Variants in MCC observed in about 807,000 individuals in gnomAD.
The protein encoded by MCC is MCC regulator of Wnt signaling pathway, also known as colorectal mutant cancer protein.
Under a neutral mutation model 116.2 loss-of-function variants are expected in MCC, and 90 were observed. The ratio of observed to expected loss-of-function variants is 0.77; its 90% CI spans 0.65 to 0.92. The LOEUF (loss-of-function observed/expected upper bound fraction) is 0.92, where lower values mean the gene tolerates loss of function less well. Ranked by LOEUF, MCC falls within the 40% of genes least tolerant of loss-of-function variation. The pLI is 0.00. For synonymous variants in MCC, 578 were observed against 510.5 expected, an observed-to-expected ratio of 1.13 and a Z score of -1.78; for missense variants, 1,516 against 1,312.2, an observed-to-expected ratio of 1.16 and a Z score of -2.40.
In MCC at chr5:113,084,143, T is replaced by C. The variant is rs1755044087; in HGVS notation, c.1593A>G (p.Ser531=). 1 of 1,614,094 alleles carries C rather than the reference T, an allele frequency of 6.2e-7. No homozygotes were observed. Among genetic ancestry groups the C allele is most frequent in the African/African-American group, 1.3e-5 (1 of 74,942 alleles). Reference sequence around the variant, plus strand: ...CTGAGCCCAGGACTGGCCGATCAGATGATGACGATTCGGACCTTGTCTTTG... The same window carrying C: ...CTGAGCCCAGGACTGGCCGATCAGACGATGACGATTCGGACCTTGTCTTTG... ...KLSKTRSESS[S]SDRPVLGSEI... The change falls in exon 10 of 19, where the codon TCA becomes TCG. Residue 531 remains serine, a synonymous_variant. Coordinates refer to ENST00000408903, the MANE Select transcript of MCC (RefSeq NM_001085377.2).
At chr5:113,032,829 A>C (rs1751051760) in intron 17 of MCC, among the ~76,000 whole-genome samples, 1 of 152,250 alleles carries the variant, frequency 6.6e-6, no homozygotes, top group Non-Finnish European at 1.5e-5. Context: ...CAAGACGGCC[A>C]CAAGAATGAC....
intron 3 of MCC, among the ~76,000 whole-genome samples, chr5:113,336,250 G>A (rs1767865607): frequency 1.3e-5 from 2 of 151,642 alleles, no homozygotes; most frequent in South Asian, 4.1e-4. Context: ...ATTTCCATAT[G>A]AATTTTGGAG....
At chr5:113,111,502 G>A (rs543142926) in intron 6 of MCC, among the ~76,000 whole-genome samples, 2 of 152,280 alleles carry the variant, frequency 1.3e-5, no homozygotes, top group South Asian at 4.1e-4. Context: ...CTGCGACACT[G>A]ACCTGGAATA....
At chr5:113,322,006 A>G (rs1268583982) in intron 3 of MCC, among the ~76,000 whole-genome samples, 5 of 151,920 alleles carry the variant, frequency 3.3e-5, no homozygotes, top group African/African-American at 1.2e-4. Flanking sequence ...TAGTTTTTCT[A>G]TTTTTACTAG....
chr5:113,218,104 G>A (rs1763393681), intron 3 of MCC, among the ~76,000 whole-genome samples: 2 of 137,076 alleles, frequency 1.5e-5, no homozygotes, highest in Admixed American at 1.5e-4. Flanking sequence ...GGGGGTGGGG[G>A]TGAGGTGGGA....
intron 11 of MCC, among the ~76,000 whole-genome samples, chr5:113,078,481 T>C (rs1160966044): frequency 6.6e-6 from 1 of 152,220 alleles, no homozygotes; most frequent in Non-Finnish European, 1.5e-5. Context: ...GCTTCATCCC[T>C]GGGATGCAAG....
At chr5:113,297,222 G>A (rs933733291) in intron 3 of MCC, among the ~76,000 whole-genome samples, 14 of 152,158 alleles carry the variant, frequency 9.2e-5, no homozygotes, top group African/African-American at 3.1e-4. Flanking sequence ...AAGAAGGGAC[G>A]GCTGGCATGG....
chr5:113,225,798 G>A (rs1033135938), intron 3 of MCC, among the ~76,000 whole-genome samples: 2 of 151,980 alleles, frequency 1.3e-5, no homozygotes, highest in African/African-American at 2.4e-5. Context: ...GATATTAGGT[G>A]ATTACATCTG....
rs567290968 is a variant in MCC at position 113,124,091 on chromosome 5, G to C, written c.885-1265C>G. ...ATTCAGCTGAGCCCGTGCTTTATAA[G>C]GTATTGTTAATAAAACCTACCCAGA... On this transcript the variant is annotated intron_variant, in intron 5 of 18. Coordinates refer to ENST00000408903, the MANE Select transcript of MCC (RefSeq NM_001085377.2). Among the ~76,000 whole-genome samples the C allele has an allele frequency of 4.6e-5, 7 of 152,266 alleles. No homozygotes were observed. In the South Asian group the frequency reaches 1.5e-3, roughly 32 times the overall value.
intron 3 of MCC, among the ~76,000 whole-genome samples, chr5:113,224,331 G>C (rs1470555721): frequency 6.6e-6 from 1 of 152,186 alleles, no homozygotes. Context: ...GGCCTCAAGT[G>C]ATCAGCCCGT....
chr5:113,067,451 C>A (rs1037751573), intron 13 of MCC, among the ~76,000 whole-genome samples: 1 of 152,138 alleles, frequency 6.6e-6, no homozygotes, highest in African/African-American at 2.4e-5. Context: ...ACCAGGCTGA[C>A]CAACATGGTG....
chr5:113,457,963 A>G (rs1771623617), intron 1 of MCC, among the ~76,000 whole-genome samples: 1 of 151,344 alleles, frequency 6.6e-6, no homozygotes, highest in South Asian at 2.1e-4. Context: ...TTGTGTCCAC[A>G]CTCTGTATCT....
chr5:113,380,863 T>C (rs991298259), intron 2 of MCC, among the ~76,000 whole-genome samples: 1 of 152,202 alleles, frequency 6.6e-6, no homozygotes, highest in Non-Finnish European at 1.5e-5. Flanking sequence ...GGAAGGCCAG[T>C]GTGACTGTGG....
chr5:113,270,730 A>G (rs882755), intron 3 of MCC, among the ~76,000 whole-genome samples: 5,063 of 150,262 alleles, frequency 0.034, 116 homozygotes, highest in East Asian at 0.074. Flanking sequence ...AAAAATTCCA[A>G]TGCCAAATTC....
chr5:113,071,592 T>A (rs1415710766), intron 11 of MCC, among the ~76,000 whole-genome samples: 1 of 152,260 alleles, frequency 6.6e-6, no homozygotes, highest in Admixed American at 6.5e-5. Context: ...TGGGCTTAGA[T>A]AAGTCACCCT....
intron 1 of MCC, among the ~76,000 whole-genome samples, chr5:113,477,484 C>G (rs1580426238): frequency 6.6e-6 from 1 of 152,254 alleles, no homozygotes; most frequent in Middle Eastern, 3.4e-3. Context: ...CATAAGAATA[C>G]AATCCATGAG....
intron 3 of MCC, among the ~76,000 whole-genome samples, chr5:113,301,010 C>T (rs1038663646): frequency 1.1e-4 from 16 of 152,152 alleles, no homozygotes; most frequent in South Asian, 2.1e-4. Context: ...TATGTAGGGT[C>T]GGCGAGTTTG....
intron 2 of MCC, among the ~76,000 whole-genome samples, chr5:113,342,721 T>C (rs932739551): frequency 1.3e-5 from 2 of 152,214 alleles, no homozygotes; most frequent in African/African-American, 4.8e-5. Context: ...AAATGTCTTG[T>C]GGGTGCATCT....
intron 3 of MCC, among the ~76,000 whole-genome samples, chr5:113,206,190 T>C (rs898409697): frequency 2.0e-5 from 3 of 152,116 alleles, no homozygotes; most frequent in African/African-American, 7.2e-5. Flanking sequence ...GGAGGCACTT[T>C]CCCAAGAAAG....
Sources: gnomAD v4.1 joint callset for allele counts (sites outside exome capture counted in the v4.1 genomes callset) on GRCh38, gnomAD v4.1.1 for gene constraint, MANE v1.5 for transcripts, NCBI Gene and HGNC (gene_info 2026-07-23, HGNC 2026-07-21) for gene names.